ST18: variants seen among roughly 807,000 people sequenced by gnomAD.
ST18 encodes ST18 C2H2C-type zinc finger transcription factor.
Under a neutral mutation model 110.0 loss-of-function variants are expected in ST18, and 50 were observed. The observed-to-expected ratio is 0.45, with a 90% CI of 0.36 to 0.58. The LOEUF (loss-of-function observed/expected upper bound fraction) is 0.58, where lower values mean the gene tolerates loss of function less well. Ranked by LOEUF, ST18 falls within the 20% of genes least tolerant of loss-of-function variation. ST18 has a pLI of 0.00. For missense variants in ST18, 1,306 were observed against 1,280.1 expected, an observed-to-expected ratio of 1.02 and a Z score of -0.31; for synonymous variants, 461 against 452.4, an observed-to-expected ratio of 1.02 and a Z score of -0.24.
intron 2 of ST18, among the ~76,000 whole-genome samples, chr8:52,248,812 G>A (rs948311903): frequency 1.3e-5 from 2 of 152,134 alleles, no homozygotes; most frequent in African/African-American, 4.8e-5. Context: ...GAGGAAAAGA[G>A]GAGCTTTTGT....
At chr8:52,323,676 G>T (rs1290508610) in intron 2 of ST18, among the ~76,000 whole-genome samples, 7 of 152,232 alleles carry the variant, frequency 4.6e-5, no homozygotes, top group Middle Eastern at 3.4e-3. Context: ...AAAACCCTCT[G>T]CCTCCCATCA....
rs754469462 is a variant in ST18 at position 52,136,664 on chromosome 8, G to T, written c.2232-6C>A. 1.3e-5 allele frequency: 21 copies of T among 1,602,234 alleles called. No individual in the cohort carries two copies. Among genetic ancestry groups the T allele is most frequent in the Non-Finnish European group, 8.5e-7 (1 of 1,174,330 alleles). On this transcript the variant is annotated splice_region_variant and splice_polypyrimidine_tract_variant and intron_variant, in intron 18 of 25. Coordinates refer to ENST00000689386, the MANE Select transcript of ST18 (RefSeq NM_001352837.2). ...CTAAAGGACATCCAGAAACACTAGA[G>T]AGGGATGAGGAAAAAAACACAACAC...
At chr8:52,159,193 C>A (rs1266841435) in intron 14 of ST18, 84 bp from the exon 15 acceptor site, 4 of 1,287,724 alleles carry the variant, frequency 3.1e-6, no homozygotes, top group African/African-American at 3.0e-5. Flanking sequence ...AATGTAACTT[C>A]TTGCATTAAA....
intron 25 of ST18, among the ~76,000 whole-genome samples, chr8:52,115,279 A>C (rs987156064): frequency 3.5e-4 from 53 of 152,336 alleles, no homozygotes; most frequent in Middle Eastern, 3.4e-3. Flanking sequence ...TTATTCTAAA[A>C]ATTTAGGTTC....
intron 2 of ST18, among the ~76,000 whole-genome samples, chr8:52,303,163 G>A (rs1015698032): frequency 1.3e-5 from 2 of 152,216 alleles, no homozygotes; most frequent in African/African-American, 4.8e-5. Context: ...CACAGCCCTG[G>A]AGGCCAGAAG....
chr8:52,343,521 G>C (rs188822793), intron 2 of ST18, among the ~76,000 whole-genome samples: 2 of 152,252 alleles, frequency 1.3e-5, no homozygotes, highest in Admixed American at 1.3e-4. Context: ...AGTTCCATTA[G>C]TCCTCCGAGC....
At chr8:52,263,229 T>A (rs908938108) in intron 2 of ST18, among the ~76,000 whole-genome samples, 2 of 152,240 alleles carry the variant, frequency 1.3e-5, no homozygotes, top group African/African-American at 4.8e-5. Context: ...AGGGTGTGGT[T>A]GCTCCTGGGC....
Position 52,341,352 on chromosome 8 carries a change from C to A in ST18, c.-465+67976G>T, listed in dbSNP as rs559365746. ...AAATTAGGTTCAACTTCTTAAGACACTGAAGGAAAGAATCTAAAATGTCTA... is the reference window on the plus strand; with the variant it reads ...AAATTAGGTTCAACTTCTTAAGACAATGAAGGAAAGAATCTAAAATGTCTA... On this transcript the variant is annotated intron_variant, in intron 2 of 25. Transcript: ENST00000689386. Among the ~76,000 whole-genome samples, 58 of 152,274 alleles carry A rather than the reference C, an allele frequency of 3.8e-4. 1 individual carries two copies. The highest frequency in any genetic ancestry group is 6.8e-3 in the Middle Eastern group (2 of 294).
intron 2 of ST18, among the ~76,000 whole-genome samples, chr8:52,280,459 A>G (rs6473703): frequency 0.057 from 8,602 of 152,070 alleles, 819 homozygotes; most frequent in African/African-American, 0.2. Context: ...ATGTATATAC[A>G]CTTGTGTTTA....
intron 8 of ST18, among the ~76,000 whole-genome samples, chr8:52,197,996 C>T (rs1274976145): frequency 6.6e-6 from 1 of 151,886 alleles, no homozygotes; most frequent in Non-Finnish European, 1.5e-5. Context: ...GTTTTAAAGA[C>T]CATGTGGCTG....
intron 10 of ST18, among the ~76,000 whole-genome samples, chr8:52,169,278 A>G (rs1472736001): frequency 1.3e-5 from 2 of 152,192 alleles, no homozygotes; most frequent in Non-Finnish European, 2.9e-5. Context: ...ACAATGTTGC[A>G]TAATGAGGGT....
At chr8:52,228,117 GTCTTC>G (rs2090122415) in intron 3 of ST18, among the ~76,000 whole-genome samples, 1 of 152,080 alleles carries the variant, frequency 6.6e-6, no homozygotes, top group Admixed American at 6.5e-5. Flanking sequence ...TTACAATTTT[GTCTTC>G]TCTTATGTTG....
At chr8:52,263,698 G>A (rs62499804) in intron 2 of ST18, among the ~76,000 whole-genome samples, 17,093 of 145,426 alleles carry the variant, frequency 0.12, 1,401 homozygotes, top group Middle Eastern at 0.24. Flanking sequence ...ACCTACCTCA[G>A]CCTCCCAGAG....
At chr8:52,170,173 AGT>A (rs2064331080) in intron 10 of ST18, among the ~76,000 whole-genome samples, 1 of 152,240 alleles carries the variant, frequency 6.6e-6, no homozygotes, top group Non-Finnish European at 1.5e-5. Flanking sequence ...TACTCTTCTG[AGT>A]TCAGAGATGA....
chr8:52,364,317 C>T (rs1376500688), intron 2 of ST18, among the ~76,000 whole-genome samples: 2 of 152,042 alleles, frequency 1.3e-5, no homozygotes, highest in African/African-American at 2.4e-5. Context: ...GAAGACTTCC[C>T]AAGACCAGCT....
intron 2 of ST18, among the ~76,000 whole-genome samples, chr8:52,259,975 T>C (rs1034643569): frequency 2.0e-5 from 3 of 152,230 alleles, no homozygotes; most frequent in Admixed American, 2.0e-4. Flanking sequence ...TAATGTTGCA[T>C]CTTATAAACT....
chr8:52,388,456 C>T (rs905621614), intron 2 of ST18, among the ~76,000 whole-genome samples: 4 of 152,000 alleles, frequency 2.6e-5, no homozygotes, highest in Non-Finnish European at 5.9e-5. Flanking sequence ...TATAGGAGCA[C>T]GTTGCACACG....
intron 15 of ST18, among the ~76,000 whole-genome samples, chr8:52,152,537 A>G (rs2059082557): frequency 6.6e-6 from 1 of 152,216 alleles, no homozygotes; most frequent in Non-Finnish European, 1.5e-5. Flanking sequence ...ATCCCAGGCC[A>G]TCGATTTCAG....
At chr8:52,254,465 T>G (rs1485930847) in intron 2 of ST18, 1 of 152,196 alleles carries the variant, frequency 6.6e-6, no homozygotes, top group African/African-American at 2.4e-5. Flanking sequence ...AACAGCCTCA[T>G]GCGCATACAC....
Sources: gnomAD v4.1 joint callset for allele counts (sites outside exome capture counted in the v4.1 genomes callset) on GRCh38, gnomAD v4.1.1 for gene constraint, MANE v1.5 for transcripts, NCBI Gene and HGNC (gene_info 2026-07-23, HGNC 2026-07-21) for gene names.